SPRTN: variants seen among roughly 807,000 people sequenced by gnomAD.
SPRTN encodes the protein SprT-like N-terminal domain, also known as DNA-dependent metalloprotease SPRTN.
A neutral mutation model predicts 31.9 loss-of-function variants in SPRTN; 11 were observed. The ratio of observed to expected loss-of-function variants is 0.34; its 90% CI spans 0.22 to 0.57. The LOEUF is 0.57. Among genes scored for constraint, SPRTN ranks in the 20% least tolerant of loss-of-function variants. SPRTN has a pLI of 0.86. For missense variants in SPRTN, 482 were observed against 590.1 expected, an observed-to-expected ratio of 0.82 and a Z score of 1.90; for synonymous variants, 185 against 212.1, an observed-to-expected ratio of 0.87 and a Z score of 1.11.
In SPRTN at chr1:231,353,177, G is replaced by A; in HGVS notation, c.1286G>A (p.Ser429Asn). The change falls in exon 5 of 5, where the codon AGC becomes AAC. Residue 429 changes from serine (S) to asparagine (N), a missense_variant. Transcript: ENST00000295050. ...TTTATCAAGAAAGAGCAAATAAAAA[G>A]CAGTGGTAATGATCCAAAGTATAGT... ...NFFIKKEQIK[S>N]SGNDPKYSTT... 1.2e-6 allele frequency: 2 copies of A among 1,612,990 alleles called. No individual in the cohort carries two copies. The highest frequency in any genetic ancestry group is 1.7e-6 in the Non-Finnish European group (2 of 1,179,726).
rs1422135842 is a variant in SPRTN, at chr1:231,351,519, C to T, written c.666C>T (p.Gly222=). ...AACCAGAGAATTACTCAAAAAAAGGCAAAGGAAAGGCAAAACTAGGAAAGG... is the reference window on the plus strand; with the variant it reads ...AACCAGAGAATTACTCAAAAAAAGGTAAAGGAAAGGCAAAACTAGGAAAGG... ...IKEPENYSKK[G]KGKAKLGKEP... is the part of the protein sequence containing the mutation. The change falls in exon 4 of 5, where the codon GGC becomes GGT. Residue 222 remains glycine (G), a synonymous_variant. Coordinates refer to ENST00000295050, the MANE Select transcript of SPRTN (RefSeq NM_032018.7). 1 of 1,614,048 alleles carries T rather than the reference C, an allele frequency of 6.2e-7. No individual in the cohort carries two copies. Among genetic ancestry groups the T allele is most frequent in the Admixed American group, 1.7e-5 (1 of 60,006 alleles).
chr1:231,346,061 C>T (rs967948002), intron 2 of SPRTN, among the ~76,000 whole-genome samples: 1 of 151,912 alleles, frequency 6.6e-6, no homozygotes, highest in Non-Finnish European at 1.5e-5. Flanking sequence ...GCAATCCTCC[C>T]ACCTCAGCCT....
chr1:231,339,723 G>A, intron 1 of SPRTN, 46 bp from the exon 2 acceptor site: 4 of 1,590,206 alleles, frequency 2.5e-6, no homozygotes, highest in African/African-American at 1.3e-5. Context: ...AAGGACTTGG[G>A]CATATTTGGC....
chr1:231,344,793 A>G, intron 2 of SPRTN: 1 of 266,066 alleles, frequency 3.8e-6, no homozygotes. Flanking sequence ...CAGCAATCTT[A>G]AATGCTTTTG....
chr1:231,341,738 G>A (rs12074025), intron 2 of SPRTN, among the ~76,000 whole-genome samples: 200 of 152,292 alleles, frequency 1.3e-3, no homozygotes, highest in African/African-American at 4.4e-3. Flanking sequence ...CATAATCCCA[G>A]CACTTTGGGA....
At chr1:231,348,029 G>A in intron 3 of SPRTN, 104 bp downstream of exon 3, 1 of 1,484,564 alleles carries the variant, frequency 6.7e-7, no homozygotes, top group East Asian at 2.3e-5. Flanking sequence ...GTATCTTTGA[G>A]GATTTTCCAC....
chr1:231,339,711 G>T (rs992055507), intron 1 of SPRTN, 58 bp from the exon 2 acceptor site: 1 of 1,549,182 alleles, frequency 6.5e-7, no homozygotes, highest in Non-Finnish European at 8.9e-7. Flanking sequence ...CCAAGAATGT[G>T]TAAGGACTTG....
chr1:231,340,737 G>A (rs1417837053), intron 2 of SPRTN, among the ~76,000 whole-genome samples: 1 of 151,964 alleles, frequency 6.6e-6, no homozygotes, highest in East Asian at 1.9e-4. Context: ...GGCGGAGGTT[G>A]CAGTGAGCCG....
chr1:231,353,696 T>C lies in SPRTN; in HGVS notation c.*335T>C. ...GTATACTTTCCTAAAAATATTCATA[T>C]GGGGAATCCTGTCAGGTGTTTGGTT... On this transcript the variant is annotated 3_prime_UTR_variant, in exon 5 of 5. Coordinates refer to ENST00000295050, the MANE Select transcript of SPRTN (RefSeq NM_032018.7). 1.0e-6 allele frequency: 1 copy of C among 996,434 alleles called. No homozygotes were observed. Among genetic ancestry groups the C allele is most frequent in the East Asian group, 9.9e-5 (1 of 10,106 alleles). The allele number at this position is 996,434 out of a possible 1,614,324, so 61.7% of individuals were successfully genotyped here.
chr1:231,349,603 A>C (rs1687161999), intron 3 of SPRTN, among the ~76,000 whole-genome samples: 1 of 152,180 alleles, frequency 6.6e-6, no homozygotes, highest in South Asian at 2.1e-4. Flanking sequence ...TACAGGTTAC[A>C]TCCTGTTATA....
At chr1:231,344,375 C>T (rs1204636767) in intron 2 of SPRTN, among the ~76,000 whole-genome samples, 2 of 152,066 alleles carry the variant, frequency 1.3e-5, no homozygotes, top group Non-Finnish European at 2.9e-5. Context: ...GGTGTGGTGA[C>T]ATGCGCCTGT....
intron 3 of SPRTN, 48 bp downstream of exon 3, chr1:231,347,973 A>C: frequency 6.3e-7 from 1 of 1,578,046 alleles, no homozygotes; most frequent in Non-Finnish European, 8.6e-7. Flanking sequence ...TGTTTATTCA[A>C]TAACTCCTGA....
intron 3 of SPRTN, among the ~76,000 whole-genome samples, chr1:231,348,878 G>A (rs1687141591): frequency 6.6e-6 from 1 of 152,204 alleles, no homozygotes; most frequent in African/African-American, 2.4e-5. Context: ...TAATAGGATA[G>A]ATTAAATTCT....
At chr1:231,342,733 ATATT>A (rs774425203) in intron 2 of SPRTN, among the ~76,000 whole-genome samples, 3 of 144,864 alleles carry the variant, frequency 2.1e-5, no homozygotes, top group Non-Finnish European at 4.5e-5. Context: ...GGCCAGGACT[ATATT>A]TATTTATTTT....
chr1:231,353,437 T>G lies in SPRTN; in HGVS notation c.*76T>G. Reference sequence around the variant, plus strand: ...ATGTCAGCCAGTCAGGAAGTTCTGGTTAATACTAAGATTTGTAGGTTATAA... The same window carrying G: ...ATGTCAGCCAGTCAGGAAGTTCTGGGTAATACTAAGATTTGTAGGTTATAA... On this transcript the variant is annotated 3_prime_UTR_variant, in exon 5 of 5. Transcript: ENST00000295050. 1 of 1,491,988 alleles carries G rather than the reference T, an allele frequency of 6.7e-7. No individual in the cohort carries two copies. The highest frequency in any genetic ancestry group is 2.3e-5 in the East Asian group (1 of 43,598). The allele number at this position is 1,491,988 out of a possible 1,614,324, so 92.4% of individuals were successfully genotyped here.
chr1:231,353,239 C>T lies in SPRTN; in HGVS notation c.1348C>T (p.Gln450Ter). The T allele has an allele frequency of 6.2e-7, 1 of 1,614,076 alleles. No homozygotes were observed. ...TAQNSSSSSS[Q>*]SKMVNCPVCQ... ...TCAGAATTCCAGCAGTTCATCCAGT[C>T]AGAGCAAAATGGTTAATTGCCCAGT... Residue 450 changes from glutamine to a stop codon, truncating the protein, a stop_gained, in exon 5 of 5, where the codon CAG becomes TAG. Transcript: ENST00000295050. LOFTEE classifies it low-confidence loss of function (END_TRUNC).
intron 2 of SPRTN, among the ~76,000 whole-genome samples, chr1:231,347,045 C>CTG (rs1553345281): frequency 6.6e-6 from 1 of 152,118 alleles, no homozygotes; most frequent in African/African-American, 2.4e-5. Context: ...AGTTCTTAAC[C>CTG]TGTGATTTTC....
Position 231,344,805 on chromosome 1 carries a change from T to A in SPRTN, c.322-2992T>A, listed in dbSNP as rs543441801. On this transcript the variant is annotated intron_variant, in intron 2 of 4. Transcript: ENST00000295050. The stretch of plus-strand genomic sequence containing the variant: ...CCCCAGCAATCTTAAATGCTTTTGT[T>A]AATTTTGCACAGAAACTTGTGCATC... The A allele has an allele frequency of 4.9e-4, 126 of 255,738 alleles. 3 individuals are homozygous for A. The South Asian group carries it at 5.3e-3, about 11-fold the overall frequency. The allele number at this position is 255,738 out of a possible 1,614,324, so 15.8% of individuals were successfully genotyped here.
rs1687291026 is a variant in SPRTN, at chr1:231,353,115, A to G, written c.1224A>G (p.Arg408=). 12 of 1,613,368 alleles carry G rather than the reference A, an allele frequency of 7.4e-6. No individual in the cohort carries two copies. Among genetic ancestry groups the G allele is most frequent in the Non-Finnish European group, 1.0e-5 (12 of 1,179,802 alleles). ...CTGAAGATACATTCCCAAATAAACG[A>G]CCTAGGCTAGAAGATAAGACTGTTT... ...SGSEDTFPNK[R]PRLEDKTVFD... The change falls in exon 5 of 5, where the codon CGA becomes CGG. Residue 408 remains arginine, a synonymous_variant. Coordinates refer to ENST00000295050, the MANE Select transcript of SPRTN (RefSeq NM_032018.7).
Sources: allele counts gnomAD v4.1 joint callset (sites outside exome capture counted in the v4.1 genomes callset), GRCh38; gene constraint gnomAD v4.1.1; transcripts MANE v1.5; gene names NCBI Gene and HGNC (gene_info 2026-07-23, HGNC 2026-07-21).